Variants in EDA observed in about 807,000 individuals in gnomAD.
EDA encodes the protein ectodysplasin-A.
In EDA, 2 loss-of-function variants were observed where a neutral mutation model predicts 23.6. That is an observed-to-expected ratio of 0.08 (90% CI 0.03 to 0.27). EDA has a LOEUF of 0.27. Among genes scored for constraint, EDA ranks in the 10% least tolerant of loss-of-function variants. EDA has a pLI of 1.00. For synonymous variants in EDA, 131 were observed against 132.0 expected, an observed-to-expected ratio of 0.99 and a Z score of 0.05; for missense variants, 229 against 324.2, an observed-to-expected ratio of 0.71 and a Z score of 2.26.
At chrX:69,764,602 T>C (rs2014418010) in intron 1 of EDA, among the ~76,000 whole-genome samples, 1 of 111,129 alleles carries the variant, frequency 9.0e-6, no homozygotes, top group African/African-American at 3.3e-5. Context: ...TATTACATAA[T>C]AAAAGAAAGA....
chrX:69,858,392 T>C (rs1315428399), intron 1 of EDA, among the ~76,000 whole-genome samples: 1 of 112,112 alleles, frequency 8.9e-6, no homozygotes, highest in Non-Finnish European at 1.9e-5. Context: ...TATTTTTAGG[T>C]ATGCTTCTTC....
chrX:69,950,471 G>A (rs1461186723), intron 1 of EDA, among the ~76,000 whole-genome samples: 33 of 92,864 alleles, frequency 3.6e-4, no homozygotes, highest in Non-Finnish European at 6.0e-4. Flanking sequence ...GGAGAAATAG[G>A]AACACTTTTA....
chrX:70,010,283 G>A (rs977443996), intron 2 of EDA, among the ~76,000 whole-genome samples: 1 of 112,065 alleles, frequency 8.9e-6, no homozygotes, highest in African/African-American at 3.2e-5. Flanking sequence ...TTGATGTTCT[G>A]TTGTCAGGCA....
chrX:69,861,710 C>T (rs2147596586), intron 1 of EDA, among the ~76,000 whole-genome samples: 1 of 111,905 alleles, frequency 8.9e-6, no homozygotes, highest in South Asian at 3.7e-4. Context: ...TAACAAAAAA[C>T]TGAGATACTA....
chrX:69,818,506 TAAAC>T (rs2016133500), intron 1 of EDA, among the ~76,000 whole-genome samples: 1 of 111,209 alleles, frequency 9.0e-6, no homozygotes. Context: ...ATGAATCAAA[TAAAC>T]ACAATCAGAA....
chrX:69,631,210 G>A (rs939328535), intron 1 of EDA, among the ~76,000 whole-genome samples: 5 of 108,822 alleles, frequency 4.6e-5, no homozygotes, highest in South Asian at 4.1e-4. Flanking sequence ...GTGAAACCCC[G>A]TCTCTACTAA....
At chrX:69,680,998 C>T (rs1934322906) in intron 1 of EDA, among the ~76,000 whole-genome samples, 1 of 107,473 alleles carries the variant, frequency 9.3e-6, no homozygotes. Flanking sequence ...CCTTCAGGAG[C>T]TCTTTTAGGG....
chrX:69,938,262 T>C (rs1302082386), intron 1 of EDA, among the ~76,000 whole-genome samples: 2 of 111,036 alleles, frequency 1.8e-5, no homozygotes, highest in Non-Finnish European at 3.8e-5. Context: ...TCGCACCGCC[T>C]GTCTTTTGAA....
At chrX:69,771,180 C>G (rs888152558) in intron 1 of EDA, among the ~76,000 whole-genome samples, 2 of 110,514 alleles carry the variant, frequency 1.8e-5, no homozygotes, top group East Asian at 2.9e-4. Flanking sequence ...CCTCAGCCCC[C>G]CCAAGTCGCT....
chrX:69,680,922 G>A (rs1934318696), intron 1 of EDA, among the ~76,000 whole-genome samples: 1 of 106,627 alleles, frequency 9.4e-6, no homozygotes, highest in Admixed American at 1.0e-4. Flanking sequence ...AGTCTCGATG[G>A]TCTTTACAAT....
intron 1 of EDA, among the ~76,000 whole-genome samples, chrX:69,915,941 C>G (rs894526569): frequency 9.0e-6 from 1 of 111,726 alleles, no homozygotes; most frequent in East Asian, 2.8e-4. Context: ...CTTGTCGGTG[C>G]TCCTCTCTTG....
intron 1 of EDA, among the ~76,000 whole-genome samples, chrX:69,791,196 A>T (rs1200720296): frequency 8.9e-6 from 1 of 111,914 alleles, no homozygotes; most frequent in Non-Finnish European, 1.9e-5. Context: ...AAGTTAGAAA[A>T]TAAATTATAC....
At chrX:69,654,119 A>T (rs182126070) in intron 1 of EDA, among the ~76,000 whole-genome samples, 1 of 112,029 alleles carries the variant, frequency 8.9e-6, no homozygotes, top group African/African-American at 3.2e-5. Context: ...AAACAAATCC[A>T]TCAAAAAGTG....
chrX:69,822,144 G>T (rs1033914349), intron 1 of EDA, among the ~76,000 whole-genome samples: 1 of 110,473 alleles, frequency 9.1e-6, no homozygotes, highest in Non-Finnish European at 1.9e-5. Flanking sequence ...AATTAGTTAC[G>T]TATGGTGGTG....
intron 1 of EDA, among the ~76,000 whole-genome samples, chrX:69,763,465 T>G (rs756011070): frequency 1.1e-3 from 120 of 112,287 alleles, no homozygotes; most frequent in African/African-American, 3.5e-3. Flanking sequence ...ATCAGATTTA[T>G]CAGTTCAAAA....
intron 2 of EDA, among the ~76,000 whole-genome samples, chrX:70,011,395 A>ATC (rs1370804500): frequency 9.6e-6 from 1 of 104,079 alleles, no homozygotes; most frequent in Admixed American, 1.0e-4. Flanking sequence ...TAGTGGAATG[A>ATC]TCTCGGCTCA....
chrX:69,973,276 A>G (rs1235085287), intron 2 of EDA, among the ~76,000 whole-genome samples: 1 of 111,516 alleles, frequency 9.0e-6, no homozygotes, highest in Non-Finnish European at 1.9e-5. Context: ...AAAACAAGAC[A>G]AGGATCTTGT....
chrX:69,879,302 T>C (rs777235477), intron 1 of EDA, among the ~76,000 whole-genome samples: 30 of 112,227 alleles, frequency 2.7e-4, no homozygotes, highest in Admixed American at 2.8e-4. Context: ...CTCTCTACAG[T>C]CTCTCAGTCC....
intron 1 of EDA, among the ~76,000 whole-genome samples, chrX:69,816,704 A>G (rs1354800523): frequency 2.7e-5 from 3 of 111,323 alleles, no homozygotes; most frequent in Non-Finnish European, 5.7e-5. Flanking sequence ...GATTATGTAA[A>G]GAGATGGAAC....
Sources: allele counts gnomAD v4.1 joint callset (sites outside exome capture counted in the v4.1 genomes callset), GRCh38; gene constraint gnomAD v4.1.1; transcripts MANE v1.5; gene names NCBI Gene and HGNC (gene_info 2026-07-23, HGNC 2026-07-21).